Variants in TNC observed in about 807,000 individuals in gnomAD.
The protein encoded by TNC is tenascin.
Under a neutral mutation model 202.4 loss-of-function variants are expected in TNC, and 109 were observed. The observed-to-expected ratio is 0.54, with a 90% CI of 0.46 to 0.63. The LOEUF (loss-of-function observed/expected upper bound fraction) is 0.63. TNC is among the 30% of genes least tolerant of loss of function. TNC has a pLI of 0.00. For synonymous variants in TNC, 1,007 were observed against 1,089.7 expected (o/e 0.92, Z 1.50); for missense variants, 2,756 against 2,833.3 (o/e 0.97, Z 0.62).
At chr9:115,064,172 T>A in intron 11 of TNC, 104 bp from the exon 12 acceptor site, 1 of 1,255,320 alleles carries the variant, frequency 8.0e-7, no homozygotes, top group Admixed American at 2.5e-5. Flanking sequence ...TGAAAAAATG[T>A]GACTTTCTTT....
chr9:115,105,748 C>T (rs1836568920), intron 1 of TNC, among the ~76,000 whole-genome samples: 1 of 152,124 alleles, frequency 6.6e-6, no homozygotes, highest in South Asian at 2.1e-4. Context: ...TTGATAGGTA[C>T]TAATCTGAGG....
intron 2 of TNC, 111 bp downstream of exon 2, chr9:115,090,451 G>A (rs1835132453): frequency 1.2e-6 from 1 of 816,510 alleles, no homozygotes; most frequent in Non-Finnish European, 2.0e-6. Flanking sequence ...GAACACTCTG[G>A]GAAGCTAGTT....
chr9:115,100,573 T>C (rs990935469), intron 1 of TNC, among the ~76,000 whole-genome samples: 3 of 152,236 alleles, frequency 2.0e-5, no homozygotes, highest in Non-Finnish European at 4.4e-5. Flanking sequence ...CCAGAGATTT[T>C]GCCTTTGGGT....
At chr9:115,029,303 A>C in intron 25 of TNC, 57 bp downstream of exon 25, 1 of 1,526,232 alleles carries the variant, frequency 6.6e-7, no homozygotes, top group East Asian at 2.3e-5. Context: ...GGTTAGGAAA[A>C]GTGACAAGGA....
chr9:115,082,832 C>G (rs769875382), intron 4 of TNC, 25 bp from the exon 5 acceptor site: 1 of 1,543,708 alleles, frequency 6.5e-7, no homozygotes, highest in East Asian at 2.2e-5. Flanking sequence ...ATAAATAGAA[C>G]GTAAGGATAG....
At chr9:115,055,011 G>A (rs1831996682) in intron 15 of TNC, among the ~76,000 whole-genome samples, 1 of 152,122 alleles carries the variant, frequency 6.6e-6, no homozygotes, top group African/African-American at 2.4e-5. Flanking sequence ...GCATGCTCAG[G>A]GCACCTTTAT....
intron 22 of TNC, among the ~76,000 whole-genome samples, chr9:115,033,188 C>G (rs1490358013): frequency 2.0e-5 from 3 of 152,200 alleles, no homozygotes; most frequent in Non-Finnish European, 2.9e-5. Context: ...TCCCAACACC[C>G]TGTCCAGGAC....
Position 115,024,221 on chromosome 9 carries a change from A to G in TNC, c.6332-85T>C, listed in dbSNP as rs905422042. 2.2e-5 allele frequency: 32 copies of G among 1,447,144 alleles called. No individual in the cohort carries two copies. The South Asian group carries it at 3.5e-4, about 16-fold the overall frequency. The allele number at this position is 1,447,144 out of a possible 1,614,324, so 89.6% of individuals were successfully genotyped here. On this transcript the variant is annotated intron_variant, in intron 26 of 27. Transcript: ENST00000350763. ...GTAAAGGGCAGAACCAGAGGTGACA[A>G]TTGAAAGGTTCTGGGTGTGGGACTG...
At chr9:115,090,435 T>G in intron 2 of TNC, 127 bp downstream of exon 2, 1 of 715,674 alleles carries the variant, frequency 1.4e-6, no homozygotes, top group Non-Finnish European at 2.3e-6. Context: ...AAAATCTCTT[T>G]GTAATGAACA....
intron 3 of TNC, among the ~76,000 whole-genome samples, chr9:115,085,296 A>G (rs757221752): frequency 7.9e-5 from 12 of 152,342 alleles, no homozygotes; most frequent in Non-Finnish European, 1.6e-4. Flanking sequence ...ACAAAAGACA[A>G]TGAAAAGACA....
intron 7 of TNC, among the ~76,000 whole-genome samples, chr9:115,076,841 A>T (rs1488047862): frequency 6.6e-6 from 1 of 152,232 alleles, no homozygotes; most frequent in Non-Finnish European, 1.5e-5. Context: ...GCAAAGACTT[A>T]AAAATAAGCT....
Position 115,027,311 on chromosome 9 carries a change from C to T in TNC, c.6170-616G>A, listed in dbSNP as rs115759743. 4.5e-3 allele frequency among the ~76,000 whole-genome samples: 678 copies of T among 151,726 alleles called. 9 individuals carry two copies. Among genetic ancestry groups the T allele is most frequent in the African/African-American group, 0.015 (625 of 41,462 alleles). ...TTAAACTCTAAAGTGCCTTACAGGCCAGGCACGGTGGCTCACGCCCATAAT... is the reference window on the plus strand; with the variant it reads ...TTAAACTCTAAAGTGCCTTACAGGCTAGGCACGGTGGCTCACGCCCATAAT... On this transcript the variant is annotated intron_variant, in intron 25 of 27. Coordinates refer to ENST00000350763, the MANE Select transcript of TNC (RefSeq NM_002160.4).
In TNC at chr9:115,086,701, G is replaced by A; in HGVS notation, c.1030C>T (p.Pro344Ser). ...EGFTGEDCGK[P>S]TCPHACHTQG... is the part of the protein sequence containing the mutation. The stretch of plus-strand genomic sequence containing the variant: ...GTGTGGCAGGCATGTGGGCAGGTGG[G>A]TTTCCCGCAGTCTTCACCTGTGAAG... The change falls in exon 3 of 28, where the codon CCC becomes TCC. Residue 344 changes from proline to serine, a missense_variant. Transcript: ENST00000350763. The A allele has an allele frequency of 1.2e-6, 2 of 1,614,068 alleles. No homozygotes were observed. The highest frequency in any genetic ancestry group is 1.3e-5 in the African/African-American group (1 of 75,038).
chr9:115,048,299 CT>C lies in TNC; in HGVS notation c.4812del (p.His1606IlefsTer6). ...GCCCTCAAGGGCTTGGTTTGATGCC[CT>C]TGGGTGAAGCCAGAGACCATAACCT... ...GYEVMVSGFT[Q>X]GHQTKPLRAE... is the part of the protein sequence containing the mutation. On this transcript the variant is annotated frameshift_variant, in exon 16 of 28. Transcript: ENST00000350763. LOFTEE classifies it high-confidence loss of function. The C allele has an allele frequency of 6.2e-7, 1 of 1,614,018 alleles. No homozygotes were observed. The highest frequency in any genetic ancestry group is 8.5e-7 in the Non-Finnish European group (1 of 1,179,934).
chr9:115,077,146 A>G (rs902334920), intron 7 of TNC, among the ~76,000 whole-genome samples: 9 of 151,486 alleles, frequency 5.9e-5, no homozygotes, highest in African/African-American at 2.2e-4. Flanking sequence ...TGCAAGCTCC[A>G]CCTCCTGGGT....
At chr9:115,047,240 CTTT>C (rs397975455) in intron 16 of TNC, among the ~76,000 whole-genome samples, 1 of 107,226 alleles carries the variant, frequency 9.3e-6, no homozygotes, top group Non-Finnish European at 1.9e-5. Context: ...CTACCCTTGA[CTTT>C]TTTTTTTTTT....
chr9:115,093,815 CTG>C (rs1835411297), intron 1 of TNC, among the ~76,000 whole-genome samples: 1 of 152,146 alleles, frequency 6.6e-6, no homozygotes, highest in African/African-American at 2.4e-5. Flanking sequence ...GGATTTCTCA[CTG>C]TGTGTTTAAG....
At chr9:115,095,472 ATATATATGTATATATATATG>A (rs1835587270) in intron 1 of TNC, among the ~76,000 whole-genome samples, 1 of 58,314 alleles carries the variant, frequency 1.7e-5, no homozygotes, top group African/African-American at 6.6e-5. Flanking sequence ...ATATATATGT[ATATATATGTATATATATATG>A]TATATATATG....
intron 1 of TNC, among the ~76,000 whole-genome samples, chr9:115,110,245 G>T (rs941288212): frequency 6.6e-6 from 1 of 152,238 alleles, no homozygotes; most frequent in African/African-American, 2.4e-5. Flanking sequence ...GATGTGAACA[G>T]TATGAATGAC....
Sources: gnomAD v4.1 joint callset for allele counts (sites outside exome capture counted in the v4.1 genomes callset) on GRCh38, gnomAD v4.1.1 for gene constraint, MANE v1.5 for transcripts, NCBI Gene and HGNC (gene_info 2026-07-23, HGNC 2026-07-21) for gene names.